Variants in UBE4B observed in about 807,000 individuals in gnomAD.
UBE4B encodes the protein ubiquitin conjugation factor E4 B.
Under a neutral mutation model 148.1 loss-of-function variants are expected in UBE4B, and 27 were observed. The observed-to-expected ratio is 0.18, with a 90% CI of 0.13 to 0.25. UBE4B has a LOEUF of 0.25. UBE4B is among the 10% of genes least tolerant of loss of function. UBE4B has a pLI of 1.00. For synonymous variants in UBE4B, 596 were observed against 619.3 expected, an observed-to-expected ratio of 0.96 and a Z score of 0.56; for missense variants, 1,170 against 1,662.4, an observed-to-expected ratio of 0.70 and a Z score of 5.15.
intron 21 of UBE4B, 50 bp from the exon 22 acceptor site, chr1:10,158,306 G>A (rs938391359): frequency 6.3e-7 from 1 of 1,591,732 alleles, no homozygotes; most frequent in South Asian, 1.1e-5. Flanking sequence ...AACTGGATTT[G>A]GAAAGCAAGA....
At chr1:10,089,848 C>T (rs1344406971) in intron 2 of UBE4B, among the ~76,000 whole-genome samples, 1 of 151,866 alleles carries the variant, frequency 6.6e-6, no homozygotes, top group Non-Finnish European at 1.5e-5. Context: ...TACAGGCGTG[C>T]ACCAGCATGT....
chr1:10,072,380 T>C (rs1644502686), intron 2 of UBE4B, 166 bp downstream of exon 2: 9 of 499,116 alleles, frequency 1.8e-5, no homozygotes, highest in Admixed American at 1.8e-4. Flanking sequence ...GTGTTATCGC[T>C]TTTTTTTTTA....
chr1:10,041,415 A>T (rs1278550188), intron 1 of UBE4B, among the ~76,000 whole-genome samples: 1 of 150,144 alleles, frequency 6.7e-6, no homozygotes, highest in Non-Finnish European at 1.5e-5. Context: ...GCTCACTGCA[A>T]CCTCTGCCTC....
chr1:10,085,675 A>G (rs1216682672), intron 2 of UBE4B, among the ~76,000 whole-genome samples: 3 of 152,188 alleles, frequency 2.0e-5, no homozygotes, highest in Admixed American at 1.3e-4. Flanking sequence ...CATCAGTTCT[A>G]TCATTTTACA....
intron 7 of UBE4B, among the ~76,000 whole-genome samples, chr1:10,116,402 G>A (rs187452088): frequency 1.3e-5 from 2 of 152,032 alleles, no homozygotes; most frequent in African/African-American, 2.4e-5. Context: ...CTTGGTGTAC[G>A]AAAGTGCTGG....
chr1:10,108,756 T>C (rs1010968898), intron 7 of UBE4B, among the ~76,000 whole-genome samples: 2 of 152,222 alleles, frequency 1.3e-5, no homozygotes, highest in African/African-American at 4.8e-5. Context: ...ACGCTGAACA[T>C]TTTATCACCA....
At chr1:10,140,746 A>C (rs866168643) in intron 17 of UBE4B, among the ~76,000 whole-genome samples, 4 of 152,202 alleles carry the variant, frequency 2.6e-5, no homozygotes, top group Non-Finnish European at 4.4e-5. Context: ...CTGTGATTTA[A>C]GAAGTATCTT....
intron 21 of UBE4B, among the ~76,000 whole-genome samples, chr1:10,154,864 A>G (rs1340684277): frequency 6.6e-6 from 1 of 152,004 alleles, no homozygotes; most frequent in African/African-American, 2.4e-5. Context: ...AAAGGAATGT[A>G]GGGAAGGACA....
Position 10,173,839 on chromosome 1 carries a change from G to A in UBE4B, c.3525+2510G>A, listed in dbSNP as rs368736936. Among the ~76,000 whole-genome samples the A allele has an allele frequency of 4.9e-4, 74 of 152,332 alleles. 2 individuals are homozygous for A. The East Asian group carries it at 6.6e-3, about 13-fold the overall frequency. On this transcript the variant is annotated intron_variant, in intron 25 of 27. Coordinates refer to ENST00000343090, the MANE Select transcript of UBE4B (RefSeq NM_001105562.3). ...GTTTCGGTGTGGGTGGGCACAGCAC[G>A]CCCAGTGAGGTGATGCAAAGCAACT... is the stretch of plus-strand genomic sequence containing the variant.
chr1:10,054,141 G>A lies in UBE4B; in HGVS notation c.25-17887G>A, dbSNP rs1363162794. Among the ~76,000 whole-genome samples the A allele has an allele frequency of 2.7e-5, 4 of 149,756 alleles. 1 individual carries two copies. The East Asian group carries it at 7.8e-4, about 29-fold the overall frequency. On this transcript the variant is annotated intron_variant, in intron 1 of 27. Coordinates refer to ENST00000343090, the MANE Select transcript of UBE4B (RefSeq NM_001105562.3). Reference sequence around the variant, plus strand: ...TATTCTTTTTTTAATTTTTATTTTTGTAAGCTATTTTATTTCTTCCATGAT... The same window carrying A: ...TATTCTTTTTTTAATTTTTATTTTTATAAGCTATTTTATTTCTTCCATGAT...
At chr1:10,113,274 TCACTC>T (rs1028733109) in intron 7 of UBE4B, among the ~76,000 whole-genome samples, 1 of 152,170 alleles carries the variant, frequency 6.6e-6, no homozygotes, top group African/African-American at 2.4e-5. Flanking sequence ...GAGTGAGAAC[TCACTC>T]ATCACCAGGG....
chr1:10,046,741 G>A (rs1477905828), intron 1 of UBE4B, among the ~76,000 whole-genome samples: 1 of 152,138 alleles, frequency 6.6e-6, no homozygotes, highest in African/African-American at 2.4e-5. Flanking sequence ...TATCCTTTTT[G>A]TAGGGCTAAA....
At chr1:10,084,117 A>G (rs1644726726) in intron 2 of UBE4B, among the ~76,000 whole-genome samples, 1 of 152,120 alleles carries the variant, frequency 6.6e-6, no homozygotes, top group Non-Finnish European at 1.5e-5. Flanking sequence ...ACTGCCCAGT[A>G]GCACTCTCCC....
rs41280804 is a variant in UBE4B, at chr1:10,132,780, G to A, written c.2025+298G>A. Among the ~76,000 whole-genome samples the A allele has an allele frequency of 4.1e-3, 619 of 152,308 alleles. 2 individuals carry two copies. The highest frequency in any genetic ancestry group is 0.01 in the Middle Eastern group (3 of 294). ...GATTTTTGATTGGGTGGCAGGAAAG[G>A]CCTCCCTGAGGAGGTGACATTTGTT... On this transcript the variant is annotated intron_variant, in intron 15 of 27. Transcript: ENST00000343090.
chr1:10,102,545 C>T (rs966767665), intron 4 of UBE4B, among the ~76,000 whole-genome samples: 3 of 151,052 alleles, frequency 2.0e-5, no homozygotes, highest in East Asian at 2.0e-4. Context: ...CAAGTAGCTC[C>T]GAGTAGCCAG....
At chr1:10,056,403 A>G (rs1557516628) in intron 1 of UBE4B, among the ~76,000 whole-genome samples, 1 of 152,178 alleles carries the variant, frequency 6.6e-6, no homozygotes, top group African/African-American at 2.4e-5. Flanking sequence ...TGTCAAGTAA[A>G]CACTTTTCAT....
intron 7 of UBE4B, among the ~76,000 whole-genome samples, chr1:10,110,769 C>T (rs1174789686): frequency 6.6e-6 from 1 of 151,976 alleles, no homozygotes; most frequent in Non-Finnish European, 1.5e-5. Context: ...TAGTGAAAAA[C>T]GTTGACATTG....
chr1:10,130,382 A>G, intron 12 of UBE4B, 118 bp from the exon 13 acceptor site: 2 of 944,952 alleles, frequency 2.1e-6, no homozygotes, highest in Non-Finnish European at 3.3e-6. Context: ...TGCCTGGCTG[A>G]AACATAAAAG....
intron 8 of UBE4B, 64 bp downstream of exon 8, chr1:10,117,664 C>T: frequency 6.7e-7 from 1 of 1,484,694 alleles, no homozygotes; most frequent in East Asian, 2.4e-5. Flanking sequence ...TATCCCCACC[C>T]CTGGAGCATT....
Sources: gnomAD v4.1 joint callset for allele counts (sites outside exome capture counted in the v4.1 genomes callset) on GRCh38, gnomAD v4.1.1 for gene constraint, MANE v1.5 for transcripts, NCBI Gene and HGNC (gene_info 2026-07-23, HGNC 2026-07-21) for gene names.